Variants in OS9 observed in about 807,000 individuals in gnomAD.
The protein encoded by OS9 is protein OS-9.
Under a neutral mutation model 84.7 loss-of-function variants are expected in OS9, and 58 were observed. That is an observed-to-expected ratio of 0.68 (90% CI 0.55 to 0.85). The LOEUF is 0.85. Among genes scored for constraint, OS9 ranks in the 40% least tolerant of loss-of-function variants. The probability of loss-of-function intolerance (pLI) is 0.00; values close to 1 mark genes in which losing one functional copy is unlikely to be tolerated. For missense variants in OS9, 760 were observed against 850.9 expected, an observed-to-expected ratio of 0.89 and a Z score of 1.33; for synonymous variants, 278 against 320.8, an observed-to-expected ratio of 0.87 and a Z score of 1.43.
At position 57,717,912 on chromosome 12, in the gene OS9, C is replaced by A. The variant is rs146507872; in HGVS notation, c.1088C>A (p.Ala363Glu). The A allele has an allele frequency of 1.9e-6, 3 of 1,612,412 alleles. No homozygotes were observed. In the South Asian group the frequency reaches 3.3e-5, roughly 18 times the overall value. ...NVQVKVIRSPADLIRFIEELK... is the reference protein window; with the variant it reads ...NVQVKVIRSPEDLIRFIEELK... ...CAGGTCAAAGTCATTCGAAGCCCTG[C>A]GGATTTGATTCGATTCATAGAGGAG... Residue 363 changes from alanine (A) to glutamate (E), a missense_variant, in exon 10 of 15, where the codon GCG becomes GAG. Transcript: ENST00000315970.
chr12:57,700,303 A>G (rs1160210030), intron 5 of OS9, among the ~76,000 whole-genome samples: 4 of 151,834 alleles, frequency 2.6e-5, no homozygotes, highest in African/African-American at 9.7e-5. Context: ...GAGGAGAGGG[A>G]AGTCAAGGTA....
chr12:57,713,884 G>C (rs1954404233), intron 5 of OS9, among the ~76,000 whole-genome samples: 1 of 151,880 alleles, frequency 6.6e-6, no homozygotes, highest in African/African-American at 2.4e-5. Flanking sequence ...CAGCACTTTG[G>C]GTGGGAGGAT....
chr12:57,714,612 T>G (rs908463201), intron 5 of OS9, among the ~76,000 whole-genome samples: 14 of 152,200 alleles, frequency 9.2e-5, no homozygotes, highest in Admixed American at 3.9e-4. Context: ...TTTTTGTTTT[T>G]GAGACAAGGT....
chr12:57,720,734 C>T, intron 14 of OS9, 50 bp from the exon 15 acceptor site: 2 of 1,561,522 alleles, frequency 1.3e-6, no homozygotes, highest in Non-Finnish European at 1.7e-6. Context: ...CAGGACTTCC[C>T]TGGGCTCAAC....
intron 5 of OS9, among the ~76,000 whole-genome samples, chr12:57,712,797 G>A (rs2140322150): frequency 6.6e-6 from 1 of 151,856 alleles, no homozygotes; most frequent in South Asian, 2.1e-4. Flanking sequence ...AGCCTCTAGT[G>A]TCTCTTCTCA....
Position 57,695,803 on chromosome 12 carries a change from A to C in OS9, c.363A>C (p.Glu121Asp). The change falls in exon 3 of 15, where the codon GAA (glutamate) becomes GAC (aspartate). Residue 121 changes from glutamate to aspartate, a missense_variant. Glu to Asp is a conservative substitution (Grantham distance 45). Transcript: ENST00000315970. ...AGACAAAGGACTGGTGGACATATGA[A>C]TTCTGTTATGGACGCCACATCCAGC... ...LLKTKDWWTY[E>D]FCYGRHIQQY... 1.2e-6 allele frequency: 2 copies of C among 1,611,694 alleles called. No individual in the cohort carries two copies. Among genetic ancestry groups the C allele is most frequent in the Non-Finnish European group, 1.7e-6 (2 of 1,177,796 alleles).
intron 5 of OS9, among the ~76,000 whole-genome samples, chr12:57,715,315 A>C (rs990904717): frequency 1.9e-4 from 29 of 152,276 alleles, no homozygotes; most frequent in African/African-American, 7.0e-4. Flanking sequence ...GTGAGCTGAG[A>C]TCATGCCATT....
intron 5 of OS9, among the ~76,000 whole-genome samples, chr12:57,707,468 AG>A (rs908896542): frequency 6.6e-6 from 1 of 152,178 alleles, no homozygotes; most frequent in Non-Finnish European, 1.5e-5. Context: ...CAAAAGAGAG[AG>A]GGGGGACATG....
At chr12:57,696,163 TCCTGGGG>T in intron 4 of OS9, 105 bp from the exon 5 acceptor site, 1 of 1,212,148 alleles carries the variant, frequency 8.2e-7, no homozygotes, top group Middle Eastern at 2.0e-4. Flanking sequence ...GGACAAAGTT[TCCTGGGG>T]CCTGGGGGCA....
chr12:57,703,142 G>A (rs961940692), intron 5 of OS9, among the ~76,000 whole-genome samples: 4 of 152,094 alleles, frequency 2.6e-5, no homozygotes, highest in Non-Finnish European at 4.4e-5. Context: ...TGCAACCTCC[G>A]CCTCCCAGGT....
chr12:57,704,755 TA>T (rs1373363726), intron 5 of OS9, among the ~76,000 whole-genome samples: 1 of 152,336 alleles, frequency 6.6e-6, no homozygotes, highest in East Asian at 1.9e-4. Flanking sequence ...TTAAAAAATT[TA>T]AATTCCAATA....
chr12:57,709,268 A>G (rs561467089), intron 5 of OS9, among the ~76,000 whole-genome samples: 7 of 152,302 alleles, frequency 4.6e-5, no homozygotes, highest in Admixed American at 3.3e-4. Context: ...ATGCTTTTCA[A>G]TCTGTCTTCT....
intron 13 of OS9, 32 bp from the exon 14 acceptor site, chr12:57,720,374 C>T: frequency 1.3e-6 from 2 of 1,599,018 alleles, no homozygotes; most frequent in Non-Finnish European, 1.7e-6. Context: ...CCCAACCATC[C>T]TCTCCTCTCA....
chr12:57,697,924 T>TAC (rs61407014), intron 5 of OS9, among the ~76,000 whole-genome samples: 19,290 of 90,970 alleles, frequency 0.21, 1,497 homozygotes, highest in East Asian at 0.31. Context: ...CACACACACA[T>TAC]ACACACACAC....
chr12:57,709,516 G>A (rs1954267233), intron 5 of OS9, among the ~76,000 whole-genome samples: 1 of 152,164 alleles, frequency 6.6e-6, no homozygotes, highest in African/African-American at 2.4e-5. Context: ...GGTGATTGCT[G>A]AGACTTTCTT....
chr12:57,720,001 C>G (rs1954625452), intron 12 of OS9, 98 bp from the exon 13 acceptor site: 1 of 1,170,058 alleles, frequency 8.5e-7, no homozygotes, highest in South Asian at 1.5e-5. Flanking sequence ...GAAGAGCTGC[C>G]AAAGCCAACT....
At chr12:57,698,276 C>T (rs1953924088) in intron 5 of OS9, among the ~76,000 whole-genome samples, 2 of 150,656 alleles carry the variant, frequency 1.3e-5, no homozygotes, top group Middle Eastern at 3.4e-3. Flanking sequence ...ATAATACAAG[C>T]ATCCACACAC....
chr12:57,716,044 A>G (rs368736650), intron 6 of OS9, 48 bp from the exon 7 acceptor site: 2 of 1,593,122 alleles, frequency 1.3e-6, no homozygotes, highest in Non-Finnish European at 1.7e-6. Context: ...AGTATTGAAT[A>G]GCTGGAGGAA....
chr12:57,701,262 A>ATTT (rs556973162), intron 5 of OS9, among the ~76,000 whole-genome samples: 12 of 71,468 alleles, frequency 1.7e-4, no homozygotes, highest in African/African-American at 4.0e-4. Context: ...TGGTTGAGTG[A>ATTT]TTTTTTTTTT....
Sources: allele counts gnomAD v4.1 joint callset (sites outside exome capture counted in the v4.1 genomes callset), GRCh38; gene constraint gnomAD v4.1.1; transcripts MANE v1.5; gene names NCBI Gene and HGNC (gene_info 2026-07-23, HGNC 2026-07-21).